Variants in ATP11A observed in about 807,000 individuals in gnomAD.
The protein encoded by ATP11A is ATPase phospholipid transporting 11A.
In ATP11A, 81 loss-of-function variants were observed where a neutral mutation model predicts 154.4. The ratio of observed to expected loss-of-function variants is 0.52; its 90% CI spans 0.44 to 0.63. The LOEUF is 0.63. ATP11A is among the 30% of genes least tolerant of loss of function. The pLI is 0.00. For missense variants in ATP11A, 1,316 were observed against 1,474.3 expected, an observed-to-expected ratio of 0.89 and a Z score of 1.76; for synonymous variants, 623 against 585.9, an observed-to-expected ratio of 1.06 and a Z score of -0.91.
In ATP11A at chr13:112,710,095, C is replaced by T. The variant is rs570247702; in HGVS notation, c.39+19640C>T. On this transcript the variant is annotated intron_variant, in intron 1 of 29. Coordinates refer to ENST00000375645, the MANE Select transcript of ATP11A (RefSeq NM_015205.3). ...AACTGCGTGACACCCGGGTGTCAGG[C>T]GGCCACTCTCAGCATCCACATTCCC... Among the ~76,000 whole-genome samples the T allele has an allele frequency of 1.4e-4, 21 of 152,304 alleles. No individual in the cohort carries two copies. The South Asian group carries it at 2.5e-3, about 18-fold the overall frequency.
chr13:112,775,707 A>G (rs1040354948), intron 1 of ATP11A, among the ~76,000 whole-genome samples: 2 of 138,080 alleles, frequency 1.4e-5, no homozygotes, highest in Non-Finnish European at 3.4e-5. Context: ...GAATTATTTC[A>G]TAATGCCCCC....
rs1892195883 is a variant in ATP11A, at chr13:112,746,688, G to A, written c.40-38447G>A. 2 of 149,946 alleles carry A rather than the reference G, an allele frequency of 1.3e-5. No individual in the cohort carries two copies. The highest frequency in any genetic ancestry group is 2.9e-5 in the Non-Finnish European group (2 of 67,826). 9.3% of individuals were successfully genotyped at this position (149,946 alleles called of 1,614,324 possible). ...AGTCTCCCCAGTAGCTGGGATCACA[G>A]GCGTGCACCACCATGCCTGGCTAAT... On this transcript the variant is annotated intron_variant, in intron 1 of 29. Coordinates refer to ENST00000375645, the MANE Select transcript of ATP11A (RefSeq NM_015205.3). This position sits in a 1 kb window ranked among gnomAD's most constrained non-coding sequence, Gnocchi z 4.1.
At chr13:112,711,551 G>A (rs1192096366) in intron 1 of ATP11A, among the ~76,000 whole-genome samples, 3 of 151,938 alleles carry the variant, frequency 2.0e-5, no homozygotes, top group South Asian at 2.1e-4. Flanking sequence ...GGACGTCACC[G>A]TAAACAGGCA....
chr13:112,696,180 C>T lies in ATP11A; in HGVS notation c.39+5725C>T, dbSNP rs575381420. 1.3e-5 allele frequency among the ~76,000 whole-genome samples: 2 copies of T among 152,260 alleles called. No individual in the cohort carries two copies. Among genetic ancestry groups the T allele is most frequent in the Non-Finnish European group, 2.9e-5 (2 of 68,018 alleles). On this transcript the variant is annotated intron_variant, in intron 1 of 29. Coordinates refer to ENST00000375645, the MANE Select transcript of ATP11A (RefSeq NM_015205.3). This position sits in a 1 kb window ranked among gnomAD's most constrained non-coding sequence, Gnocchi z 6.2. ...TGTGCAGTGACGGGACAGGTCACGG[C>T]GCTCGTGCACGCTGGGTGCCCAGTG... is the stretch of plus-strand genomic sequence containing the variant.
At position 112,875,836 on chromosome 13, in the gene ATP11A, C is replaced by G. The variant is rs369473123; in HGVS notation, c.3222C>G (p.Pro1074=). The change falls in exon 28 of 30, where the codon CCC becomes CCG. Residue 1074 remains proline, a synonymous_variant. Coordinates refer to ENST00000375645, the MANE Select transcript of ATP11A (RefSeq NM_015205.3). This position sits in a 1 kb window ranked among gnomAD's most constrained non-coding sequence, Gnocchi z 4.1. ...YVFIQMLSSG[P]AWLAIVLLVT... ...TCATCCAGATGCTGTCCAGCGGGCC[C>G]GCCTGGCTGGCCATCGTGCTGCTGG... 1 of 1,614,020 alleles carries G rather than the reference C, an allele frequency of 6.2e-7. No individual in the cohort carries two copies. Among genetic ancestry groups the G allele is most frequent in the Admixed American group, 1.7e-5 (1 of 60,032 alleles).
intron 1 of ATP11A, among the ~76,000 whole-genome samples, chr13:112,734,550 G>A (rs776171216): frequency 7.2e-5 from 11 of 152,162 alleles, no homozygotes; most frequent in Non-Finnish European, 1.6e-4. Flanking sequence ...CAGGCTGCCC[G>A]GAGAGTCAAA....
intron 25 of ATP11A, among the ~76,000 whole-genome samples, chr13:112,867,903 G>A (rs1188233601): frequency 6.6e-6 from 1 of 152,202 alleles, no homozygotes; most frequent in Non-Finnish European, 1.5e-5. Flanking sequence ...ACAGTTCAGA[G>A]GCCCTCTGGG....
intron 1 of ATP11A, among the ~76,000 whole-genome samples, chr13:112,705,124 C>G (rs529935072): frequency 6.6e-6 from 1 of 152,218 alleles, no homozygotes; most frequent in South Asian, 2.1e-4. Context: ...CAAGTATACA[C>G]GTGCTTTTTT....
chr13:112,730,217 G>A (rs1198128207), intron 1 of ATP11A, among the ~76,000 whole-genome samples: 1 of 152,198 alleles, frequency 6.6e-6, no homozygotes, highest in African/African-American at 2.4e-5. Flanking sequence ...CGACCTCGGA[G>A]GAGTCCAATC....
chr13:112,693,452 T>A (rs137968842), intron 1 of ATP11A, among the ~76,000 whole-genome samples: 1 of 151,236 alleles, frequency 6.6e-6, no homozygotes, highest in African/African-American at 2.4e-5. Flanking sequence ...GGGTGATGTA[T>A]GAGCTGTGGG....
chr13:112,734,046 C>G (rs989711028), intron 1 of ATP11A, among the ~76,000 whole-genome samples: 3 of 152,106 alleles, frequency 2.0e-5, no homozygotes, highest in African/African-American at 7.2e-5. Flanking sequence ...ACTTAGTTAT[C>G]GAGAAAATGA....
chr13:112,762,007 C>G (rs149372518), intron 1 of ATP11A, among the ~76,000 whole-genome samples: 1 of 152,288 alleles, frequency 6.6e-6, no homozygotes, highest in South Asian at 2.1e-4. Context: ...AACTGCCTAG[C>G]CCTGTGGGTG....
At chr13:112,691,912 G>C (rs537669293) in intron 1 of ATP11A, among the ~76,000 whole-genome samples, 1 of 152,164 alleles carries the variant, frequency 6.6e-6, no homozygotes, top group East Asian at 1.9e-4. Flanking sequence ...CTTAAGTGGA[G>C]AGAACTCACC....
intron 2 of ATP11A, among the ~76,000 whole-genome samples, chr13:112,793,674 C>T (rs1219092724): frequency 1.3e-5 from 2 of 152,254 alleles, no homozygotes; most frequent in Non-Finnish European, 2.9e-5. Flanking sequence ...GGGTGTCCGG[C>T]GTCCCCGCCT....
chr13:112,709,038 C>T lies in ATP11A; in HGVS notation c.39+18583C>T, dbSNP rs146384914. Among the ~76,000 whole-genome samples the T allele has an allele frequency of 5.4e-3, 826 of 152,150 alleles. 4 individuals are homozygous for T. The highest frequency in any genetic ancestry group is 8.5e-3 in the Non-Finnish European group (579 of 68,000). On this transcript the variant is annotated intron_variant, in intron 1 of 29. Transcript: ENST00000375645. The stretch of plus-strand genomic sequence containing the variant: ...GGGTTCCAGGCGGGAAGGGGAGTGC[C>T]GGAAGCAGGTCTGGGAGGGGGAATT...
chr13:112,729,959 A>G (rs12100310), intron 1 of ATP11A, among the ~76,000 whole-genome samples: 3 of 152,262 alleles, frequency 2.0e-5, no homozygotes, highest in African/African-American at 7.2e-5. Context: ...TTCAATAGCC[A>G]AAGCTTGAAC....
chr13:112,734,779 TG>T (rs903048964), intron 1 of ATP11A, among the ~76,000 whole-genome samples: 23 of 152,130 alleles, frequency 1.5e-4, no homozygotes, highest in African/African-American at 5.3e-4. Flanking sequence ...TAGCCGCACT[TG>T]GGGGGGATCA....
intron 1 of ATP11A, among the ~76,000 whole-genome samples, chr13:112,784,654 C>A (rs1217317144): frequency 6.6e-6 from 1 of 151,854 alleles, no homozygotes; most frequent in East Asian, 1.9e-4. Context: ...TCCTGAGTAG[C>A]TGGGACTACA....
At chr13:112,808,098 G>A (rs1470626767) in intron 4 of ATP11A, among the ~76,000 whole-genome samples, 1 of 152,024 alleles carries the variant, frequency 6.6e-6, no homozygotes, top group South Asian at 2.1e-4. Context: ...AGCGGCCGGG[G>A]AGCCCGAGCC....
Sources: gnomAD v4.1 joint callset for allele counts (sites outside exome capture counted in the v4.1 genomes callset) on GRCh38, gnomAD v4.1.1 for gene constraint, Gnocchi (gnomAD v3.1) non-coding constraint, MANE v1.5 for transcripts, NCBI Gene and HGNC (gene_info 2026-07-23, HGNC 2026-07-21) for gene names.